CACNA1B: variants seen among roughly 807,000 people sequenced by gnomAD.
CACNA1B encodes the protein calcium voltage-gated channel subunit alpha1 B, also known as voltage-dependent N-type calcium channel subunit alpha-1B.
Under a neutral mutation model 247.2 loss-of-function variants are expected in CACNA1B, and 70 were observed. That is an observed-to-expected ratio of 0.28 (90% CI 0.23 to 0.35). The LOEUF (loss-of-function observed/expected upper bound fraction) is 0.35, where lower values mean the gene tolerates loss of function less well. CACNA1B is among the 10% of genes least tolerant of loss of function. The probability of loss-of-function intolerance (pLI) is 1.00; values close to 1 mark genes in which losing one functional copy is unlikely to be tolerated. For synonymous variants in CACNA1B, 1,231 were observed against 1,294.4 expected, an observed-to-expected ratio of 0.95 and a Z score of 1.05; for missense variants, 2,367 against 3,197.4, an observed-to-expected ratio of 0.74 and a Z score of 6.26.
chr9:137,883,735 C>G (rs1956962151), intron 3 of CACNA1B, among the ~76,000 whole-genome samples: 1 of 152,210 alleles, frequency 6.6e-6, no homozygotes, highest in African/African-American at 2.4e-5. Context: ...GTCAGAGGCC[C>G]TGTGCTGGGC....
chr9:138,102,916 C>G lies in CACNA1B; in HGVS notation c.5319+109C>G, dbSNP rs1961301496. On this transcript the variant is annotated intron_variant, in intron 38 of 46. Coordinates refer to ENST00000371372, the MANE Select transcript of CACNA1B (RefSeq NM_000718.4). This position sits in a 1 kb window ranked among gnomAD's most constrained non-coding sequence, Gnocchi z 5.4. ...CCTTTCAGGGTGCCCGGCTGTCTGT[C>G]TGCCGCTCTGCTGTGCGCCCCCGGC... is the stretch of plus-strand genomic sequence containing the variant. 1.5e-6 allele frequency: 1 copy of G among 656,026 alleles called. No individual in the cohort carries two copies. 40.6% of individuals were successfully genotyped at this position (656,026 alleles called of 1,614,324 possible).
At chr9:137,983,900 G>A (rs1490136028) in intron 12 of CACNA1B, among the ~76,000 whole-genome samples, 3 of 120,726 alleles carry the variant, frequency 2.5e-5, no homozygotes, top group East Asian at 3.1e-4. Context: ...TGTCTGGGGT[G>A]GGGGGTGGGA....
At chr9:137,902,476 G>C (rs965700008) in intron 3 of CACNA1B, among the ~76,000 whole-genome samples, 1 of 152,142 alleles carries the variant, frequency 6.6e-6, no homozygotes, top group Non-Finnish European at 1.5e-5. Flanking sequence ...TGTTAAGTTC[G>C]CATGTGTGTG....
At chr9:138,047,481 T>A in intron 23 of CACNA1B, 23 bp downstream of exon 23, 8 of 1,573,944 alleles carry the variant, frequency 5.1e-6, no homozygotes, top group Non-Finnish European at 7.0e-6. Context: ...GCTGCCCTTG[T>A]GACCCCAGTG....
At position 138,043,491 on chromosome 9, in the gene CACNA1B, C is replaced by G. The variant is rs541340126; in HGVS notation, c.3287-283C>G. Among the ~76,000 whole-genome samples, 438 of 152,218 alleles carry G rather than the reference C, an allele frequency of 2.9e-3. 2 individuals carry two copies. The highest frequency in any genetic ancestry group is 0.01 in the African/African-American group (423 of 41,528). On this transcript the variant is annotated intron_variant, in intron 20 of 46. Coordinates refer to ENST00000371372, the MANE Select transcript of CACNA1B (RefSeq NM_000718.4). ...AGCGCATCGAGGCCCCTCAGCGCGGCAGAGGGGTCCACAGCCACGGGTGCT... is the reference window on the plus strand; with the variant it reads ...AGCGCATCGAGGCCCCTCAGCGCGGGAGAGGGGTCCACAGCCACGGGTGCT...
chr9:137,972,817 A>G (rs1958170042), intron 11 of CACNA1B, among the ~76,000 whole-genome samples: 1 of 152,198 alleles, frequency 6.6e-6, no homozygotes, highest in African/African-American at 2.4e-5. Flanking sequence ...AAAGGAGCCA[A>G]GAGAGCTCCG....
chr9:138,045,438 G>A (rs543601249), intron 21 of CACNA1B, among the ~76,000 whole-genome samples: 38 of 152,310 alleles, frequency 2.5e-4, no homozygotes, highest in South Asian at 1.7e-3. Flanking sequence ...TGGAAGTCAG[G>A]TGCGTATGGA....
intron 11 of CACNA1B, among the ~76,000 whole-genome samples, chr9:137,972,389 G>C (rs1366260291): frequency 6.6e-6 from 1 of 152,196 alleles, no homozygotes; most frequent in Non-Finnish European, 1.5e-5. Flanking sequence ...TGGAGACAGG[G>C]CCTGTTTGGG....
Position 138,053,834 on chromosome 9 carries a change from C to G in CACNA1B, c.3808-12C>G, listed in dbSNP as rs1959393681. The G allele has an allele frequency of 6.2e-6, 10 of 1,609,654 alleles. No individual in the cohort carries two copies. In the East Asian group the frequency reaches 2.2e-4, roughly 36 times the overall value. On this transcript the variant is annotated splice_polypyrimidine_tract_variant and intron_variant, in intron 25 of 46. Coordinates refer to ENST00000371372, the MANE Select transcript of CACNA1B (RefSeq NM_000718.4). ...CCACCCCCTCATCATGGCTCCACCC[C>G]TCCTCCTGCAGGCTGTGTTTGACTG...
rs1429558484 is a variant in CACNA1B at position 137,880,008 on chromosome 9, C to A, written c.390+849C>A. ...AAGTGGGGGCCCAGGGGGTGCGGGG[C>A]CAGAGGCGTCCAGGAGACGGCCTCT... On this transcript the variant is annotated intron_variant, in intron 2 of 46. Coordinates refer to ENST00000371372, the MANE Select transcript of CACNA1B (RefSeq NM_000718.4). This position sits in a 1 kb window ranked among gnomAD's most constrained non-coding sequence, Gnocchi z 4.8. 6.6e-6 allele frequency among the ~76,000 whole-genome samples: 1 copy of A among 152,182 alleles called. No individual in the cohort carries two copies. Among genetic ancestry groups the A allele is most frequent in the Admixed American group, 6.5e-5 (1 of 15,278 alleles).
intron 7 of CACNA1B, among the ~76,000 whole-genome samples, chr9:137,953,673 G>A (rs898162694): frequency 6.6e-6 from 1 of 152,172 alleles, no homozygotes; most frequent in Admixed American, 6.5e-5. Context: ...CCCACTGGGG[G>A]ACTAGGAATG....
chr9:138,053,157 A>C (rs923011184), intron 25 of CACNA1B, among the ~76,000 whole-genome samples: 1 of 152,300 alleles, frequency 6.6e-6, no homozygotes, highest in Admixed American at 6.5e-5. Flanking sequence ...GCAGGGTGCA[A>C]GTGCAGGGCA....
At chr9:137,941,347 G>A (rs1957730529) in intron 6 of CACNA1B, among the ~76,000 whole-genome samples, 1 of 151,872 alleles carries the variant, frequency 6.6e-6, no homozygotes, top group Non-Finnish European at 1.5e-5. Context: ...AAAACAGAAA[G>A]CCAAAAAACT....
chr9:138,028,950 CAGTT>C (rs770077823), intron 20 of CACNA1B, among the ~76,000 whole-genome samples: 5 of 152,222 alleles, frequency 3.3e-5, no homozygotes, highest in Non-Finnish European at 5.9e-5. Context: ...AATGTAGGCT[CAGTT>C]AGCCACTTGG....
At chr9:138,118,150 A>T in intron 43 of CACNA1B, 69 bp downstream of exon 43, 1 of 325,986 alleles carries the variant, frequency 3.1e-6, no homozygotes, top group Non-Finnish European at 4.0e-6. Flanking sequence ...GATGTTTGAG[A>T]CTGGGGTGGG....
At chr9:137,934,272 C>T (rs940324218) in intron 6 of CACNA1B, among the ~76,000 whole-genome samples, 3 of 152,214 alleles carry the variant, frequency 2.0e-5, no homozygotes, top group Admixed American at 1.3e-4. Context: ...ATGGATCCAA[C>T]TACCTAATCC....
Position 138,091,977 on chromosome 9 carries a change from A to G in CACNA1B, c.5095-4507A>G, listed in dbSNP as rs140281948. 9.5e-4 allele frequency among the ~76,000 whole-genome samples: 144 copies of G among 152,358 alleles called. 1 individual carries two copies. Among genetic ancestry groups the G allele is most frequent in the African/African-American group, 3.2e-3 (134 of 41,568 alleles). On this transcript the variant is annotated intron_variant, in intron 36 of 46. Coordinates refer to ENST00000371372, the MANE Select transcript of CACNA1B (RefSeq NM_000718.4). Reference sequence around the variant, plus strand: ...ATGCCCCTTGAACTGCAAAACCAGCAAGTTTTTATTAGGGATTTCAAAAGG... The same window carrying G: ...ATGCCCCTTGAACTGCAAAACCAGCGAGTTTTTATTAGGGATTTCAAAAGG...
chr9:137,994,448 A>G (rs1197708414), intron 15 of CACNA1B, among the ~76,000 whole-genome samples: 2 of 152,220 alleles, frequency 1.3e-5, no homozygotes, highest in Admixed American at 1.3e-4. Flanking sequence ...TTATGTTGAA[A>G]ACCCCAAAGA....
intron 21 of CACNA1B, among the ~76,000 whole-genome samples, chr9:138,046,381 C>T (rs1251783134): frequency 2.0e-5 from 3 of 152,252 alleles, no homozygotes; most frequent in Admixed American, 6.5e-5. Context: ...ACAGGGCACA[C>T]ACCCCGCACA....
Sources: gnomAD v4.1 joint callset for allele counts (sites outside exome capture counted in the v4.1 genomes callset) on GRCh38, gnomAD v4.1.1 for gene constraint, Gnocchi (gnomAD v3.1) non-coding constraint, MANE v1.5 for transcripts, NCBI Gene and HGNC (gene_info 2026-07-23, HGNC 2026-07-21) for gene names.